CMKLR1: variants seen among roughly 807,000 people sequenced by gnomAD.
CMKLR1 encodes the protein chemerin chemokine-like receptor 1, also known as chemerin-like receptor 1.
Under a neutral mutation model 8.2 loss-of-function variants are expected in CMKLR1, and 6 were observed. The ratio of observed to expected loss-of-function variants is 0.73; its 90% CI spans 0.40 to 1.44. CMKLR1 has a LOEUF of 1.44. Among genes scored for constraint, CMKLR1 ranks in the 40% most tolerant of loss-of-function variants. CMKLR1 has a pLI of 0.02. For synonymous variants in CMKLR1, 178 were observed against 181.2 expected (o/e 0.98, Z 0.14); for missense variants, 429 against 478.0 (o/e 0.90, Z 0.96).
At chr12:108,330,732 A>G (rs1222148331) in intron 1 of CMKLR1, among the ~76,000 whole-genome samples, 1 of 152,240 alleles carries the variant, frequency 6.6e-6, no homozygotes, top group African/African-American at 2.4e-5. Flanking sequence ...GCATATAAAC[A>G]GTGACTTGGA....
intron 2 of CMKLR1, among the ~76,000 whole-genome samples, chr12:108,305,869 A>G (rs995226444): frequency 5.3e-5 from 8 of 152,188 alleles, no homozygotes; most frequent in Admixed American, 2.0e-4. Flanking sequence ...GGACTCCATA[A>G]GAATGGGCAA....
chr12:108,293,492 A>C, intron 3 of CMKLR1, 97 bp downstream of exon 3: 2 of 1,359,362 alleles, frequency 1.5e-6, no homozygotes, highest in Non-Finnish European at 2.1e-6. Flanking sequence ...ACATGCTTCT[A>C]AAACCAAGTG....
intron 2 of CMKLR1, among the ~76,000 whole-genome samples, chr12:108,305,504 C>T (rs1891384400): frequency 6.6e-6 from 1 of 152,178 alleles, no homozygotes. Flanking sequence ...GATGTCTTTG[C>T]CTGCTGCCTT....
At chr12:108,315,693 CA>C (rs1891705476) in intron 2 of CMKLR1, among the ~76,000 whole-genome samples, 1 of 152,146 alleles carries the variant, frequency 6.6e-6, no homozygotes. Flanking sequence ...ATTTAAACAC[CA>C]GCTGGTTCTG....
intron 2 of CMKLR1, among the ~76,000 whole-genome samples, chr12:108,299,264 T>A (rs1369331762): frequency 1.3e-5 from 2 of 152,246 alleles, no homozygotes; most frequent in African/African-American, 4.8e-5. Context: ...GTCTGAGAGC[T>A]GTGCTTTGTG....
At chr12:108,338,476 G>A (rs1892282180) in intron 1 of CMKLR1, among the ~76,000 whole-genome samples, 1 of 152,236 alleles carries the variant, frequency 6.6e-6, no homozygotes, top group Non-Finnish European at 1.5e-5. Flanking sequence ...GGTTTAGTAT[G>A]TGAGAATACT....
rs901213102 is a variant in CMKLR1 at position 108,290,595 on chromosome 12, G to A, written c.*1246C>T. 6.6e-6 allele frequency: 1 copy of A among 152,220 alleles called. No individual in the cohort carries two copies. Among genetic ancestry groups the A allele is most frequent in the Non-Finnish European group, 1.5e-5 (1 of 68,048 alleles). The allele number at this position is 152,220 out of a possible 1,614,324, so 9.4% of individuals were successfully genotyped here. Reference sequence around the variant, plus strand: ...TGATTAGCTGTGTGATGCTGGGCAAGTTACTTTCCCCATCTGGGCCTCAGC... The same window carrying A: ...TGATTAGCTGTGTGATGCTGGGCAAATTACTTTCCCCATCTGGGCCTCAGC... On this transcript the variant is annotated 3_prime_UTR_variant, in exon 4 of 4. Coordinates refer to ENST00000550402, the MANE Select transcript of CMKLR1 (RefSeq NM_001142343.2).
chr12:108,303,843 G>A (rs141189949), intron 2 of CMKLR1, among the ~76,000 whole-genome samples: 1 of 152,348 alleles, frequency 6.6e-6, no homozygotes, highest in East Asian at 1.9e-4. Flanking sequence ...CTCGGTTACA[G>A]GAGAAGCCTT....
At chr12:108,321,095 C>T (rs1333149651) in intron 2 of CMKLR1, among the ~76,000 whole-genome samples, 1 of 152,216 alleles carries the variant, frequency 6.6e-6, no homozygotes, top group Non-Finnish European at 1.5e-5. Flanking sequence ...ACAATGCTCA[C>T]TCCAGGGGTC....
At chr12:108,327,836 C>T (rs141575579) in intron 2 of CMKLR1, among the ~76,000 whole-genome samples, 28 of 152,214 alleles carry the variant, frequency 1.8e-4, no homozygotes, top group Non-Finnish European at 3.4e-4. Flanking sequence ...TCCTGGGCCC[C>T]GGGAAAATGT....
intron 1 of CMKLR1, among the ~76,000 whole-genome samples, chr12:108,334,154 C>T (rs1358422869): frequency 6.6e-6 from 1 of 152,256 alleles, no homozygotes; most frequent in Non-Finnish European, 1.5e-5. Flanking sequence ...GATAGGAATC[C>T]TGTCTTTCCA....
chr12:108,304,868 AAG>A (rs1891367379), intron 2 of CMKLR1, among the ~76,000 whole-genome samples: 1 of 152,236 alleles, frequency 6.6e-6, no homozygotes, highest in South Asian at 2.1e-4. Context: ...CTCTTCCTGA[AAG>A]CAGGCCACAG....
intron 2 of CMKLR1, among the ~76,000 whole-genome samples, chr12:108,310,911 C>T (rs1891545076): frequency 6.6e-6 from 1 of 152,114 alleles, no homozygotes; most frequent in Non-Finnish European, 1.5e-5. Context: ...GGAGGCACAT[C>T]CCAGGACACG....
rs1243028182 is a variant in CMKLR1 at position 108,290,247 on chromosome 12, C to T, written c.*1594G>A. The T allele has an allele frequency of 6.6e-6, 1 of 152,160 alleles. No individual in the cohort carries two copies. The highest frequency in any genetic ancestry group is 1.5e-5 in the Non-Finnish European group (1 of 68,038). The allele number at this position is 152,160 out of a possible 1,614,324, so 9.4% of individuals were successfully genotyped here. A position where few individuals can be genotyped will look rare whatever the true frequency, so the allele number is the denominator to read the frequency against. On this transcript the variant is annotated 3_prime_UTR_variant, in exon 4 of 4. Transcript: ENST00000550402. Reference sequence around the variant, plus strand: ...AATCTCCAAACTTTTTAAGTCCTTCCCAACTCTGCAGCCTCATTTGAGCCA... The same window carrying T: ...AATCTCCAAACTTTTTAAGTCCTTCTCAACTCTGCAGCCTCATTTGAGCCA...
chr12:108,325,489 C>G (rs1276552237), intron 2 of CMKLR1, among the ~76,000 whole-genome samples: 1 of 152,134 alleles, frequency 6.6e-6, no homozygotes, highest in Non-Finnish European at 1.5e-5. Context: ...TCCAACTTCC[C>G]CAATGGGTAA....
intron 2 of CMKLR1, among the ~76,000 whole-genome samples, chr12:108,312,619 G>C (rs1025521077): frequency 1.3e-5 from 2 of 152,230 alleles, no homozygotes; most frequent in African/African-American, 4.8e-5. Flanking sequence ...TCAAGCCATA[G>C]AGAAGCAAGG....
intron 1 of CMKLR1, among the ~76,000 whole-genome samples, chr12:108,332,228 A>G (rs1328866444): frequency 6.6e-6 from 1 of 152,214 alleles, no homozygotes; most frequent in Non-Finnish European, 1.5e-5. Context: ...TGACTTGCAC[A>G]TGCTCACAAA....
At position 108,319,029 on chromosome 12, in the gene CMKLR1, C is replaced by T. The variant is rs115873441; in HGVS notation, c.-74+10966G>A. ...CACTTCCAGGCAAGAGTCCTCATCT[C>T]CCTCTTTGTAGCACTCACATCTTCC... On this transcript the variant is annotated intron_variant, in intron 2 of 3. Transcript: ENST00000550402. 4.2e-3 allele frequency among the ~76,000 whole-genome samples: 636 copies of T among 152,228 alleles called. 8 individuals are homozygous for T. The highest frequency in any genetic ancestry group is 0.014 in the African/African-American group (584 of 41,532).
Position 108,292,516 on chromosome 12 carries a change from G to C in CMKLR1, c.447C>G (p.Asn149Lys), listed in dbSNP as rs1178655930. 2 of 1,614,114 alleles carry C rather than the reference G, an allele frequency of 1.2e-6. No homozygotes were observed. Among genetic ancestry groups the C allele is most frequent in the Non-Finnish European group, 1.7e-6 (2 of 1,180,056 alleles). ...ISVLLPVWSQ[N>K]HRSVRLAYMA... ...TGTAAGCCAGGCGAACGCTGCGGTG[G>C]TTCTGGGACCAGACAGGGAGGAGCA... The change falls in exon 4 of 4, where the codon AAC (asparagine) becomes AAG (lysine). Residue 149 changes from asparagine (N) to lysine (K), a missense_variant. By Grantham distance (94) the Asn-to-Lys change is moderately conservative (BLOSUM62 0). Coordinates refer to ENST00000550402, the MANE Select transcript of CMKLR1 (RefSeq NM_001142343.2).
Sources: gnomAD v4.1 joint callset for allele counts (sites outside exome capture counted in the v4.1 genomes callset) on GRCh38, gnomAD v4.1.1 for gene constraint, MANE v1.5 for transcripts, NCBI Gene and HGNC (gene_info 2026-07-23, HGNC 2026-07-21) for gene names.